ITGA1: variants seen among roughly 807,000 people sequenced by gnomAD.
ITGA1 encodes the protein integrin alpha-1.
Under a neutral mutation model 145.9 loss-of-function variants are expected in ITGA1, and 85 were observed. The observed-to-expected ratio is 0.58, with a 90% CI of 0.49 to 0.70. The LOEUF (loss-of-function observed/expected upper bound fraction) is 0.70, where lower values mean the gene tolerates loss of function less well. ITGA1 is among the 30% of genes least tolerant of loss of function. The pLI, the probability that ITGA1 is intolerant of heterozygous loss-of-function variation, is 0.00. For missense variants in ITGA1, 1,351 were observed against 1,418.7 expected (o/e 0.95, Z 0.77); for synonymous variants, 520 against 495.3 (o/e 1.05, Z -0.66).
At chr5:52,878,961 CAA>C (rs33911483) in intron 6 of ITGA1, among the ~76,000 whole-genome samples, 2,208 of 130,666 alleles carry the variant, frequency 0.017, 60 homozygotes, top group African/African-American at 0.054. Flanking sequence ...GTCTAAGTAC[CAA>C]AAAAAAAAAA....
At chr5:52,903,496 A>G (rs1750348904) in intron 11 of ITGA1, 1 of 152,232 alleles carries the variant, frequency 6.6e-6, no homozygotes, top group Middle Eastern at 3.2e-3. Context: ...TGAGAATGTG[A>G]GGAATATTCA....
intron 6 of ITGA1, among the ~76,000 whole-genome samples, chr5:52,869,758 C>A (rs1749749041): frequency 6.6e-6 from 1 of 152,028 alleles, no homozygotes; most frequent in African/African-American, 2.4e-5. Context: ...TTTTCTATAA[C>A]TGGTATTTTA....
intron 11 of ITGA1, among the ~76,000 whole-genome samples, chr5:52,900,904 A>G (rs1181738288): frequency 1.3e-5 from 2 of 151,784 alleles, no homozygotes; most frequent in Non-Finnish European, 2.9e-5. Context: ...AAATGTTATT[A>G]TGTATTTTTT....
chr5:52,899,822 A>G (rs1395437617), intron 11 of ITGA1, among the ~76,000 whole-genome samples: 1 of 152,196 alleles, frequency 6.6e-6, no homozygotes, highest in African/African-American at 2.4e-5. Context: ...TGGAGCATGT[A>G]GTCTTAATTT....
At chr5:52,884,386 G>A (rs1750013776) in intron 7 of ITGA1, among the ~76,000 whole-genome samples, 1 of 151,556 alleles carries the variant, frequency 6.6e-6, no homozygotes. Flanking sequence ...GGCGGAGGTT[G>A]CAGTGAGCCA....
At chr5:52,845,808 G>A (rs149578868) in intron 1 of ITGA1, among the ~76,000 whole-genome samples, 3 of 152,264 alleles carry the variant, frequency 2.0e-5, no homozygotes, top group South Asian at 4.1e-4. Context: ...TGCTGCAGAA[G>A]TATTATTTTA....
At chr5:52,829,847 AT>A (rs1749031271) in intron 1 of ITGA1, among the ~76,000 whole-genome samples, 1 of 151,944 alleles carries the variant, frequency 6.6e-6, no homozygotes, top group Admixed American at 6.6e-5. Flanking sequence ...TAATATTGGT[AT>A]TTGGTCATTT....
At chr5:52,915,788 A>G (rs1460364591) in intron 15 of ITGA1, among the ~76,000 whole-genome samples, 194 bp downstream of exon 15, 3 of 152,226 alleles carry the variant, frequency 2.0e-5, no homozygotes, top group Admixed American at 6.5e-5. Flanking sequence ...AGAAACAAGT[A>G]GAATGAACTC....
chr5:52,882,002 C>A lies in ITGA1; in HGVS notation c.754C>A (p.Leu252Ile). The change falls in exon 7 of 29, where the codon CTT (leucine) becomes ATT (isoleucine). Residue 252 changes from leucine (L) to isoleucine (I), a missense_variant. Transcript: ENST00000282588. ...AGGTGGCCGCCAGACTATGACAGCT[C>A]TTGGAATAGACACAGCAAGGTATAT... The part of the protein sequence containing the change: ...QRGGRQTMTA[L>I]GIDTARKEAF... The A allele has an allele frequency of 6.2e-7, 1 of 1,610,976 alleles. No individual in the cohort carries two copies. The highest frequency in any genetic ancestry group is 8.5e-7 in the Non-Finnish European group (1 of 1,178,412).
In ITGA1 at chr5:52,939,895, T is replaced by C. The variant is rs1751028248; in HGVS notation, c.3236T>C (p.Ile1079Thr). The C allele has an allele frequency of 6.2e-7, 1 of 1,613,700 alleles. No homozygotes were observed. Among genetic ancestry groups the C allele is most frequent in the Non-Finnish European group, 8.5e-7 (1 of 1,179,622 alleles). Residue 1079 changes from isoleucine (I) to threonine (T), a missense_variant, in exon 26 of 29, where the codon ATC becomes ACC. Transcript: ENST00000282588. ...TITCNLTSSD[I>T]SQVNVSLILW... is the part of the protein sequence containing the mutation. ...ACATGTAATCTCACTTCTTCTGACA[T>C]CAGCCAAGTCAATGTTTCGCTTATC...
Position 52,879,663 on chromosome 5 carries a change from T to C in ITGA1, c.625-2210T>C, listed in dbSNP as rs77586078. Among the ~76,000 whole-genome samples the C allele has an allele frequency of 4.2e-3, 647 of 152,340 alleles. 9 individuals carry two copies. In the East Asian group the frequency reaches 0.052, roughly 12 times the overall value. ...ATCCTGAATTGCAGTCATAGATGTG[T>C]CTTTATCCACTTTATTATTTTTGTG... is the stretch of plus-strand genomic sequence containing the variant. On this transcript the variant is annotated intron_variant, in intron 6 of 28. Transcript: ENST00000282588.
chr5:52,912,666 C>G (rs554652630), intron 14 of ITGA1, among the ~76,000 whole-genome samples: 1 of 136,356 alleles, frequency 7.3e-6, no homozygotes, highest in Non-Finnish European at 1.6e-5. Context: ...TATAGTGTAT[C>G]TATAAACTAT....
chr5:52,826,337 T>C (rs1278142216), intron 1 of ITGA1, among the ~76,000 whole-genome samples: 2 of 152,106 alleles, frequency 1.3e-5, no homozygotes, highest in Non-Finnish European at 2.9e-5. Flanking sequence ...AGAAGAAAAG[T>C]TGGAAGCTAG....
At chr5:52,832,543 G>A (rs1749087612) in intron 1 of ITGA1, among the ~76,000 whole-genome samples, 1 of 152,102 alleles carries the variant, frequency 6.6e-6, no homozygotes, top group South Asian at 2.1e-4. Context: ...TCACATATTA[G>A]GAGGTCATAA....
At chr5:52,898,103 G>A (rs915076113) in intron 10 of ITGA1, 136 bp from the exon 11 acceptor site, 9 of 496,792 alleles carry the variant, frequency 1.8e-5, no homozygotes, top group Middle Eastern at 5.5e-4. Flanking sequence ...AACTCATAGA[G>A]TTATCATGAG....
chr5:52,901,046 G>T (rs1026095675), intron 11 of ITGA1, among the ~76,000 whole-genome samples: 1 of 152,148 alleles, frequency 6.6e-6, no homozygotes, highest in Non-Finnish European at 1.5e-5. Flanking sequence ...TTTCAGATAT[G>T]ATGAAATTAA....
chr5:52,806,804 G>T lies in ITGA1; in HGVS notation c.61+18390G>T, dbSNP rs558260683. Among the ~76,000 whole-genome samples, 41 of 152,244 alleles carry T rather than the reference G, an allele frequency of 2.7e-4. 3 individuals carry two copies. In the South Asian group the frequency reaches 8.5e-3, roughly 32 times the overall value. ...TTATGAATGTTTTAATTTAAATTGA[G>T]AAATGAATGAGTTTCTGTAAGGACA... On this transcript the variant is annotated intron_variant, in intron 1 of 28. Transcript: ENST00000282588.
chr5:52,803,758 A>G (rs1296208561), intron 1 of ITGA1: 1 of 152,230 alleles, frequency 6.6e-6, no homozygotes, highest in African/African-American at 2.4e-5. Context: ...CTTGTTGGAA[A>G]CTAGAATTCA....
intron 3 of ITGA1, chr5:52,864,067 A>G (rs1318837103): frequency 6.6e-6 from 1 of 152,024 alleles, no homozygotes; most frequent in African/African-American, 2.4e-5. Context: ...CTAATATTCC[A>G]CTCTACTAAG....
Sources: allele counts gnomAD v4.1 joint callset (sites outside exome capture counted in the v4.1 genomes callset), GRCh38; gene constraint gnomAD v4.1.1; transcripts MANE v1.5; gene names NCBI Gene and HGNC (gene_info 2026-07-23, HGNC 2026-07-21).